The following RNF13 variants were observed in gnomAD, a reference collection of about 807,000 sequenced individuals.
RNF13 encodes ring finger protein 13, also known as E3 ubiquitin-protein ligase RNF13.
In RNF13, 19 loss-of-function variants were observed where a neutral mutation model predicts 37.7. The observed-to-expected ratio is 0.50, with a 90% CI of 0.35 to 0.74. The LOEUF (loss-of-function observed/expected upper bound fraction) is 0.74, where lower values mean the gene tolerates loss of function less well. RNF13 is among the 30% of genes least tolerant of loss of function. RNF13 has a pLI of 0.01. For missense variants in RNF13, 375 were observed against 453.0 expected (o/e 0.83, Z 1.56); for synonymous variants, 144 against 157.8 (o/e 0.91, Z 0.65).
At chr3:149,833,241 T>A (rs770368600) in intron 1 of RNF13, among the ~76,000 whole-genome samples, 2 of 149,482 alleles carry the variant, frequency 1.3e-5, no homozygotes, top group Non-Finnish European at 3.0e-5. Context: ...TGCCTCAGCC[T>A]CCCGAGTAGC....
intron 8 of RNF13, among the ~76,000 whole-genome samples, chr3:149,940,297 CAAT>C (rs1198018037): frequency 4.6e-5 from 7 of 152,132 alleles, no homozygotes; most frequent in Admixed American, 2.0e-4. Context: ...TGCAAGTTCC[CAAT>C]AATAACAAAA....
At chr3:149,861,157 G>T (rs1002076816) in intron 3 of RNF13, among the ~76,000 whole-genome samples, 2 of 151,920 alleles carry the variant, frequency 1.3e-5, no homozygotes, top group African/African-American at 2.4e-5. Flanking sequence ...ATACACTGTT[G>T]GTGGGAATGT....
chr3:149,932,957 G>A (rs1349817815), intron 8 of RNF13, among the ~76,000 whole-genome samples: 2 of 152,228 alleles, frequency 1.3e-5, no homozygotes, highest in Non-Finnish European at 2.9e-5. Flanking sequence ...CTTCTGCCTG[G>A]GACCCAGGCT....
chr3:149,869,466 CGTA>C (rs1282817228), intron 3 of RNF13, among the ~76,000 whole-genome samples: 1 of 151,536 alleles, frequency 6.6e-6, no homozygotes, highest in Non-Finnish European at 1.5e-5. Context: ...ATTAGCCGGG[CGTA>C]GTGGCGGGCG....
At chr3:149,886,525 T>C (rs1714049498) in intron 4 of RNF13, among the ~76,000 whole-genome samples, 2 of 152,198 alleles carry the variant, frequency 1.3e-5, no homozygotes, top group South Asian at 2.1e-4. Flanking sequence ...ATTGATTGAT[T>C]GATCGAGATA....
chr3:149,857,745 A>C (rs1307789518), intron 3 of RNF13, among the ~76,000 whole-genome samples: 1 of 152,208 alleles, frequency 6.6e-6, no homozygotes, highest in African/African-American at 2.4e-5. Flanking sequence ...CTCTATGCTT[A>C]GGAGGCCAAG....
intron 1 of RNF13, chr3:149,822,557 A>G (rs926537065): frequency 6.6e-6 from 1 of 152,166 alleles, no homozygotes; most frequent in Non-Finnish European, 1.5e-5. Flanking sequence ...AAAGTGGAAC[A>G]CTAAAGAACT....
chr3:149,939,045 C>T (rs913286308), intron 8 of RNF13: 4 of 488,426 alleles, frequency 8.2e-6, no homozygotes, highest in Non-Finnish European at 1.6e-5. Flanking sequence ...GTCAGTCATC[C>T]GGAAGCACTC....
intron 8 of RNF13, chr3:149,939,454 A>G (rs2108575557): frequency 1.8e-6 from 1 of 556,014 alleles, no homozygotes; most frequent in Non-Finnish European, 3.5e-6. Flanking sequence ...CACAGCTACT[A>G]AGTGCTGTCC....
chr3:149,862,494 T>C (rs1229630338), intron 3 of RNF13, among the ~76,000 whole-genome samples: 2 of 152,134 alleles, frequency 1.3e-5, no homozygotes, highest in Non-Finnish European at 2.9e-5. Context: ...TATATATTTT[T>C]TCTACCATAT....
intron 1 of RNF13, among the ~76,000 whole-genome samples, chr3:149,844,892 C>T (rs1213476013): frequency 6.6e-6 from 1 of 152,008 alleles, no homozygotes; most frequent in East Asian, 1.9e-4. Context: ...ACATTTTCAC[C>T]ATCTCCCCTC....
At chr3:149,856,723 A>T (rs1188844031) in intron 3 of RNF13, among the ~76,000 whole-genome samples, 2 of 152,078 alleles carry the variant, frequency 1.3e-5, no homozygotes, top group African/African-American at 4.8e-5. Flanking sequence ...GATTGTAGGC[A>T]TGAGCTACTG....
At chr3:149,822,304 T>G (rs1720057966) in intron 1 of RNF13, among the ~76,000 whole-genome samples, 1 of 152,102 alleles carries the variant, frequency 6.6e-6, no homozygotes, top group South Asian at 2.1e-4. Flanking sequence ...TCAGCATTGT[T>G]TTTGTGTTTT....
chr3:149,835,184 A>C (rs1721472969), intron 1 of RNF13, among the ~76,000 whole-genome samples: 1 of 152,222 alleles, frequency 6.6e-6, no homozygotes, highest in African/African-American at 2.4e-5. Context: ...CATGAAAATT[A>C]AAACTTCTTG....
chr3:149,925,219 A>ATGGAG (rs1718514655), intron 8 of RNF13, among the ~76,000 whole-genome samples: 1 of 152,162 alleles, frequency 6.6e-6, no homozygotes, highest in African/African-American at 2.4e-5. Context: ...GTTTTTCTCT[A>ATGGAG]TGGAGTGGTG....
chr3:149,945,479 C>T (rs1720678713), intron 8 of RNF13, among the ~76,000 whole-genome samples: 2 of 152,342 alleles, frequency 1.3e-5, no homozygotes, highest in South Asian at 4.1e-4. Context: ...TCTGTAGTCT[C>T]CACCTCTGGG....
At chr3:149,901,947 TCAAGCAATAGA>T (rs1341408575) in intron 5 of RNF13, 114 bp from the exon 6 acceptor site, 1 of 448,324 alleles carries the variant, frequency 2.2e-6, no homozygotes, top group Non-Finnish European at 4.1e-6. Context: ...ATCTGGAAAA[TCAAGCAATAGA>T]CAATTAAAGT....
chr3:149,845,388 G>GA (rs1397473223), intron 1 of RNF13, among the ~76,000 whole-genome samples: 1 of 152,150 alleles, frequency 6.6e-6, no homozygotes, highest in Non-Finnish European at 1.5e-5. Context: ...CTAAAAGAGA[G>GA]AAAGGGACTC....
chr3:149,881,062 T>G lies in RNF13; in HGVS notation c.321+8908T>G, dbSNP rs536769037. Among the ~76,000 whole-genome samples, 106 of 152,306 alleles carry G rather than the reference T, an allele frequency of 7.0e-4. 2 individuals are homozygous for G. The South Asian group carries it at 0.021, about 31-fold the overall frequency. On this transcript the variant is annotated intron_variant, in intron 4 of 9. Coordinates refer to ENST00000392894, the MANE Select transcript of RNF13 (RefSeq NM_183381.3). The stretch of plus-strand genomic sequence containing the variant: ...AATTTCTTTTTATTAAAAAATAAAA[T>G]TCACTTGGGTTCACTAAATGACTTT...
Sources: gnomAD v4.1 joint callset for allele counts (sites outside exome capture counted in the v4.1 genomes callset) on GRCh38, gnomAD v4.1.1 for gene constraint, MANE v1.5 for transcripts, NCBI Gene and HGNC (gene_info 2026-07-23, HGNC 2026-07-21) for gene names.